The following CCDC106 variants were observed in gnomAD, a reference collection of about 807,000 sequenced individuals.
The protein encoded by CCDC106 is coiled-coil domain containing 106.
CCDC106 carries 17 observed loss-of-function variants against 24.7 expected under a neutral mutation model. The ratio of observed to expected loss-of-function variants is 0.69; its 90% confidence interval spans 0.47 to 1.03. The LOEUF is 1.03. Among genes scored for constraint, CCDC106 ranks in the 50% least tolerant of loss-of-function variants. The probability of loss-of-function intolerance (pLI) is 0.00; values close to 1 mark genes in which losing one functional copy is unlikely to be tolerated. For synonymous variants in CCDC106, 211 were observed against 161.3 expected (o/e 1.31, Z -2.34); for missense variants, 337 against 388.9 (o/e 0.87, Z 1.12).
rs545356408 is a variant in CCDC106, at chr19:55,649,559, C to T, written c.288C>T (p.Phe96=). The T allele has an allele frequency of 2.5e-6, 4 of 1,614,080 alleles. No homozygotes were observed. The highest frequency in any genetic ancestry group is 2.2e-5 in the East Asian group (1 of 44,888). Residue 96 remains phenylalanine (F), a synonymous_variant, in exon 3 of 5, where the codon TTC becomes TTT. Coordinates refer to ENST00000586790, the MANE Select transcript of CCDC106 (RefSeq NM_001370470.1). ...RDFLRCQLDK[F]ISSARMEAED... is the part of the protein sequence containing the mutation. Reference sequence around the variant, plus strand: ...TCCTGCGGTGCCAGCTGGACAAATTCATCTCTTCTGCTCGGATGGAGGCAG... The same window carrying T: ...TCCTGCGGTGCCAGCTGGACAAATTTATCTCTTCTGCTCGGATGGAGGCAG...
At chr19:55,650,070 T>C (rs966442570) in intron 3 of CCDC106, among the ~76,000 whole-genome samples, 112 of 151,800 alleles carry the variant, frequency 7.4e-4, no homozygotes, top group African/African-American at 2.6e-3. Context: ...CTCCCCTCTG[T>C]GACACCAGGG....
chr19:55,649,227 G>C lies in CCDC106; in HGVS notation c.54G>C (p.Glu18Asp). The C allele has an allele frequency of 6.2e-7, 1 of 1,614,086 alleles. No individual in the cohort carries two copies. The highest frequency in any genetic ancestry group is 2.2e-5 in the East Asian group (1 of 44,882). The change falls in exon 2 of 5, where the codon GAG becomes GAC. Residue 18 changes from glutamate (E) to aspartate (D), a missense_variant. By Grantham distance (45) the Glu-to-Asp change is conservative. Transcript: ENST00000586790. The stretch of plus-strand genomic sequence containing the variant: ...CAGTGAAGGACGATGAGACCTTCGA[G>C]ATCTCCATTCCCTTCGATGAGGCAC... ...RRTMKDDETF[E>D]ISIPFDEAPH... is the part of the protein sequence containing the mutation.
Position 55,652,925 on chromosome 19 carries a change from C to G in CCDC106, c.*179C>G. The G allele has an allele frequency of 1.7e-6, 1 of 590,892 alleles. No individual in the cohort carries two copies. The highest frequency in any genetic ancestry group is 3.0e-6 in the Non-Finnish European group (1 of 337,184). The allele number at this position is 590,892 out of a possible 1,614,324, so 36.6% of individuals were successfully genotyped here. A position where few individuals can be genotyped will look rare whatever the true frequency, so the allele number is the denominator to read the frequency against. On this transcript the variant is annotated 3_prime_UTR_variant, in exon 5 of 5. Coordinates refer to ENST00000586790, the MANE Select transcript of CCDC106 (RefSeq NM_001370470.1). The surrounding 1 kb of genome is among the most constrained non-coding windows in gnomAD (Gnocchi z 5.9). ...CCGGCCGCGGCCCCTTCCCGAACGC[C>G]GGCACCCCCTTCCGCTTGGGCTGCC...
rs1983448372 is a variant in CCDC106, at chr19:55,653,031, AC to A, written c.*289del. 1 of 380,434 alleles carries A rather than the reference AC, an allele frequency of 2.6e-6. No homozygotes were observed. Among genetic ancestry groups the A allele is most frequent in the Non-Finnish European group, 4.7e-6 (1 of 210,740 alleles). 23.6% of individuals were successfully genotyped at this position (380,434 alleles called of 1,614,324 possible). A position where few individuals can be genotyped will look rare whatever the true frequency, so the allele number is the denominator to read the frequency against. ...CCCCCTCGAGTGGGGGACTGTACAG[AC>A]CCCGTCTCCGCCCTGGCCCCGCGGA... On this transcript the variant is annotated 3_prime_UTR_variant, in exon 5 of 5. Coordinates refer to ENST00000586790, the MANE Select transcript of CCDC106 (RefSeq NM_001370470.1).
chr19:55,650,823 G>A (rs574807054), intron 3 of CCDC106, among the ~76,000 whole-genome samples: 5 of 152,226 alleles, frequency 3.3e-5, no homozygotes, highest in African/African-American at 9.6e-5. Context: ...TCCGCCTGCC[G>A]GCTCCCTCTG....
Position 55,648,870 on chromosome 19 carries a change from G to A in CCDC106, c.-177G>A. Reference sequence around the variant, plus strand: ...CCAGGCGCGTTTTGCCTCAGTCCTGGGGTCCAGGCTCCCTCCTCCCTCAGA... The same window carrying A: ...CCAGGCGCGTTTTGCCTCAGTCCTGAGGTCCAGGCTCCCTCCTCCCTCAGA... On this transcript the variant is annotated 5_prime_UTR_variant, in exon 1 of 5. Transcript: ENST00000586790. The A allele has an allele frequency of 1.4e-6, 1 of 702,836 alleles. No homozygotes were observed. The highest frequency in any genetic ancestry group is 2.5e-5 in the East Asian group (1 of 40,458). The allele number at this position is 702,836 out of a possible 1,614,324, so 43.5% of individuals were successfully genotyped here.
At position 55,653,056 on chromosome 19, in the gene CCDC106, G is replaced by A. The variant is rs2123657605; in HGVS notation, c.*310G>A. 6.2e-6 allele frequency: 2 copies of A among 322,632 alleles called. No homozygotes were observed. Among genetic ancestry groups the A allele is most frequent in the South Asian group, 5.5e-5 (1 of 18,080 alleles). 20.0% of individuals were successfully genotyped at this position (322,632 alleles called of 1,614,324 possible). On this transcript the variant is annotated 3_prime_UTR_variant, in exon 5 of 5. Coordinates refer to ENST00000586790, the MANE Select transcript of CCDC106 (RefSeq NM_001370470.1). ...ACCCCGTCTCCGCCCTGGCCCCGCG[G>A]AGGAGCTGCCCACCTGATTCCCGGA... is the stretch of plus-strand genomic sequence containing the variant.
Position 55,652,762 on chromosome 19 carries a change from GCGCCTCCA to G in CCDC106, c.*18_*25del. 1 of 1,592,472 alleles carries G rather than the reference GCGCCTCCA, an allele frequency of 6.3e-7. No individual in the cohort carries two copies. The highest frequency in any genetic ancestry group is 8.6e-7 in the Non-Finnish European group (1 of 1,167,498). ...CAAGCGGTGATCGCACCACGCCTCC[GCGCCTCCA>G]CCCGGGCCTTCCTCCCCCGTGGACC... On this transcript the variant is annotated 3_prime_UTR_variant, in exon 5 of 5. Transcript: ENST00000586790. The surrounding 1 kb of genome is among the most constrained non-coding windows in gnomAD (Gnocchi z 5.9).
chr19:55,652,460 A>G lies in CCDC106; in HGVS notation c.557A>G (p.Tyr186Cys). 1 of 1,607,210 alleles carries G rather than the reference A, an allele frequency of 6.2e-7. No homozygotes were observed. Among genetic ancestry groups the G allele is most frequent in the Non-Finnish European group, 8.5e-7 (1 of 1,175,686 alleles). The part of the protein sequence containing the change: ...VKDADGVLCR[Y>C]KKILGTFQKL... ...GACGCCGACGGGGTCCTCTGCCGGT[A>G]CAAGAAGATCCTGGGCACCTTCCAG... Residue 186 changes from tyrosine (Y) to cysteine (C), a missense_variant, in exon 5 of 5, where the codon TAC becomes TGC. This residue lies in a region of CCDC106 where 103 missense variants were observed against 152.4 expected (regional missense o/e 0.68). Coordinates refer to ENST00000586790, the MANE Select transcript of CCDC106 (RefSeq NM_001370470.1). The surrounding 1 kb of genome is among the most constrained non-coding windows in gnomAD (Gnocchi z 5.9).
At position 55,652,140 on chromosome 19, in the gene CCDC106, C is replaced by T. The variant is rs1408443076; in HGVS notation, c.527-290C>T. ...AGACGAGGGTGATGGCTCGGGGTGT[C>T]GGGGGGTGCTGGGACCGCGTGGGTT... On this transcript the variant is annotated intron_variant, in intron 4 of 4. Coordinates refer to ENST00000586790, the MANE Select transcript of CCDC106 (RefSeq NM_001370470.1). The surrounding 1 kb of genome is among the most constrained non-coding windows in gnomAD (Gnocchi z 5.9). Among the ~76,000 whole-genome samples the T allele has an allele frequency of 3.3e-5, 5 of 151,886 alleles. No homozygotes were observed. Among genetic ancestry groups the T allele is most frequent in the Non-Finnish European group, 5.9e-5 (4 of 67,966 alleles).
chr19:55,650,677 A>G (rs758081933), intron 3 of CCDC106, among the ~76,000 whole-genome samples: 26 of 151,944 alleles, frequency 1.7e-4, no homozygotes, highest in Non-Finnish European at 2.2e-4. Flanking sequence ...GTCTCCTCTC[A>G]CTGATGGTTC....
Position 55,649,602 on chromosome 19 carries a change from T to C in CCDC106, c.313+18T>C. The C allele has an allele frequency of 6.2e-7, 1 of 1,607,374 alleles. No individual in the cohort carries two copies. The highest frequency in any genetic ancestry group is 8.5e-7 in the Non-Finnish European group (1 of 1,175,382). On this transcript the variant is annotated intron_variant, in intron 3 of 4. Coordinates refer to ENST00000586790, the MANE Select transcript of CCDC106 (RefSeq NM_001370470.1). ...GGAGGCAGGTGTGTGTGGGGTGCTC[T>C]GATCCACATGCCTCCCTGTCCCGCT...
rs752081530 is a variant in CCDC106, at chr19:55,651,474, A to C, written c.505A>C (p.Lys169Gln). ...GASRRRFGKP[K>Q]ARERQRVKDA... ...TAGTCGGAGGCGCTTTGGGAAGCCCAAGGCCCGGGAGAGGCAGCGAGGTGA... is the reference window on the plus strand; with the variant it reads ...TAGTCGGAGGCGCTTTGGGAAGCCCCAGGCCCGGGAGAGGCAGCGAGGTGA... The change falls in exon 4 of 5, where the codon AAG becomes CAG. Residue 169 changes from lysine (K) to glutamine (Q), a missense_variant. By Grantham distance (53) the Lys-to-Gln change is moderately conservative. Transcript: ENST00000586790. The C allele has an allele frequency of 1.3e-6, 2 of 1,587,112 alleles. No individual in the cohort carries two copies. The highest frequency in any genetic ancestry group is 4.5e-5 in the East Asian group (2 of 44,126).
rs533670569 is a variant in CCDC106 at position 55,652,113 on chromosome 19, G to A, written c.527-317G>A. ...GAATAAGTGAATTCACCTGAGGCAG[G>A]GAGACGAGGGTGATGGCTCGGGGTG... On this transcript the variant is annotated intron_variant, in intron 4 of 4. Coordinates refer to ENST00000586790, the MANE Select transcript of CCDC106 (RefSeq NM_001370470.1). This position sits in a 1 kb window ranked among gnomAD's most constrained non-coding sequence, Gnocchi z 5.9. 1.3e-5 allele frequency among the ~76,000 whole-genome samples: 2 copies of A among 152,182 alleles called. No individual in the cohort carries two copies. Among genetic ancestry groups the A allele is most frequent in the African/African-American group, 4.8e-5 (2 of 41,506 alleles).
chr19:55,652,963 C>G lies in CCDC106; in HGVS notation c.*217C>G, dbSNP rs564508957. 1.9e-6 allele frequency: 1 copy of G among 535,200 alleles called. No homozygotes were observed. Among genetic ancestry groups the G allele is most frequent in the African/African-American group, 2.0e-5 (1 of 50,080 alleles). The allele number at this position is 535,200 out of a possible 1,614,324, so 33.2% of individuals were successfully genotyped here. A position where few individuals can be genotyped will look rare whatever the true frequency, so the allele number is the denominator to read the frequency against. ...CGCTTGGGCTGCCCAGCCCTGTCCT[C>G]GCCGGGCCCCTTCCTCCTGGAAAAC... On this transcript the variant is annotated 3_prime_UTR_variant, in exon 5 of 5. Coordinates refer to ENST00000586790, the MANE Select transcript of CCDC106 (RefSeq NM_001370470.1). This position sits in a 1 kb window ranked among gnomAD's most constrained non-coding sequence, Gnocchi z 5.9.
upstream of CCDC106, chr19:55,647,879 C>G (rs968456549): frequency 6.6e-6 from 1 of 152,050 alleles, no homozygotes; most frequent in South Asian, 2.1e-4. Context: ...CCTTCTGGGC[C>G]CATTGGGCAC....
At position 55,652,522 on chromosome 19, in the gene CCDC106, C is replaced by T; in HGVS notation, c.619C>T (p.Arg207Cys). ...KSMSRAFEHHRVDRNTVALTT... is the reference protein window; with the variant it reads ...KSMSRAFEHHCVDRNTVALTT... Reference sequence around the variant, plus strand: ...CATGTCGCGGGCCTTCGAGCACCACCGCGTGGACAGGAACACCGTGGCGCT... The same window carrying T: ...CATGTCGCGGGCCTTCGAGCACCACTGCGTGGACAGGAACACCGTGGCGCT... The change falls in exon 5 of 5, where the codon CGC (arginine) becomes TGC (cysteine). Residue 207 changes from arginine (R) to cysteine (C), a missense_variant. Around this residue, in one of 2 missense-constraint regions of CCDC106, gnomAD observed 103 missense variants for 152.4 expected, o/e 0.68. Transcript: ENST00000586790. The surrounding 1 kb of genome is among the most constrained non-coding windows in gnomAD (Gnocchi z 5.9). 1 of 1,613,698 alleles carries T rather than the reference C, an allele frequency of 6.2e-7. No individual in the cohort carries two copies. Among genetic ancestry groups the T allele is most frequent in the Non-Finnish European group, 8.5e-7 (1 of 1,179,962 alleles).
chr19:55,649,503 C>T lies in CCDC106; in HGVS notation c.232C>T (p.Arg78Cys), dbSNP rs774812505. 15 of 1,613,936 alleles carry T rather than the reference C, an allele frequency of 9.3e-6. No homozygotes were observed. Among genetic ancestry groups the T allele is most frequent in the Non-Finnish European group, 1.1e-5 (13 of 1,179,950 alleles). Reference sequence around the variant, plus strand: ...GGAGAGGAACTCCTGGCTGCAGAAGCGCATCGAGGACCTGGAGGAAGAGAG... The same window carrying T: ...GGAGAGGAACTCCTGGCTGCAGAAGTGCATCGAGGACCTGGAGGAAGAGAG... The part of the protein sequence containing the change: ...ALERNSWLQK[R>C]IEDLEEERDF... The change falls in exon 3 of 5, where the codon CGC becomes TGC. Residue 78 changes from arginine to cysteine, a missense_variant. Transcript: ENST00000586790.
rs1274776370 is a variant in CCDC106, at chr19:55,652,037, A to G, written c.527-393A>G. ...CTTGGGCACCTCCTTAACTTTCATC[A>G]GTAAGGAGGAGGTGCGCAGTAGGAC... On this transcript the variant is annotated intron_variant, in intron 4 of 4. Coordinates refer to ENST00000586790, the MANE Select transcript of CCDC106 (RefSeq NM_001370470.1). This position sits in a 1 kb window ranked among gnomAD's most constrained non-coding sequence, Gnocchi z 5.9. 3.3e-5 allele frequency among the ~76,000 whole-genome samples: 5 copies of G among 152,006 alleles called. No individual in the cohort carries two copies. The East Asian group carries it at 9.7e-4, about 29-fold the overall frequency.
Sources: allele counts gnomAD v4.1 joint callset (sites outside exome capture counted in the v4.1 genomes callset), GRCh38; gene constraint gnomAD v4.1.1; regional missense constraint gnomAD v4.1.1; non-coding constraint Gnocchi (gnomAD v3.1); transcripts MANE v1.5; gene names NCBI Gene and HGNC (gene_info 2026-07-23, HGNC 2026-07-21).